The following ETV7 variants were observed in gnomAD, a reference collection of about 807,000 sequenced individuals.
The protein encoded by ETV7 is transcription factor ETV7.
A neutral mutation model predicts 39.1 loss-of-function variants in ETV7; 43 were observed. That is an observed-to-expected ratio of 1.10 (90% CI 0.86 to 1.42). ETV7 has a LOEUF of 1.42. Ranked by LOEUF, ETV7 falls within the 40% of genes most tolerant of loss-of-function variation. The pLI is 0.00. For synonymous variants in ETV7, 196 were observed against 176.6 expected, an observed-to-expected ratio of 1.11 and a Z score of -0.87; for missense variants, 432 against 442.3, an observed-to-expected ratio of 0.98 and a Z score of 0.21.
chr6:36,376,668 C>T (rs1773376873), intron 2 of ETV7, among the ~76,000 whole-genome samples: 1 of 151,336 alleles, frequency 6.6e-6, no homozygotes, highest in South Asian at 2.1e-4. Flanking sequence ...CCCAGCTGCT[C>T]GGGAGGCTGA....
intron 2 of ETV7, among the ~76,000 whole-genome samples, chr6:36,380,057 C>T (rs934449594): frequency 6.6e-6 from 1 of 152,082 alleles, no homozygotes; most frequent in South Asian, 2.1e-4. Context: ...TTTCAGATAA[C>T]CCATTTAAAA....
downstream of ETV7, among the ~76,000 whole-genome samples, chr6:36,363,513 G>A (rs1237019964): frequency 6.6e-6 from 1 of 152,270 alleles, no homozygotes; most frequent in African/African-American, 2.4e-5. Flanking sequence ...GGCTTCAGGA[G>A]TGAAGCTGCA....
intron 4 of ETV7, among the ~76,000 whole-genome samples, chr6:36,372,635 T>G (rs1464573836): frequency 6.3e-4 from 62 of 99,076 alleles, no homozygotes; most frequent in South Asian, 1.9e-3. Flanking sequence ...TGAGTGGGGG[T>G]GGGGGTAGAA....
intron 2 of ETV7, among the ~76,000 whole-genome samples, chr6:36,376,581 T>G (rs34405021): frequency 0.12 from 18,130 of 151,944 alleles, 1,193 homozygotes; most frequent in African/African-American, 0.14. Flanking sequence ...ATTCAAACCA[T>G]CCTGGCCAAC....
chr6:36,369,147 T>G, intron 5 of ETV7, 76 bp from the exon 6 acceptor site: 1 of 1,576,160 alleles, frequency 6.3e-7, no homozygotes, highest in Non-Finnish European at 8.6e-7. Context: ...AAGGCACTCT[T>G]GGAAGCCTCC....
chr6:36,363,928 G>A (rs916542598), downstream of ETV7, among the ~76,000 whole-genome samples: 5 of 151,370 alleles, frequency 3.3e-5, no homozygotes, highest in East Asian at 1.9e-4. Context: ...ACAGAGTGCC[G>A]ATTGGTGTAT....
At chr6:36,366,837 T>C in intron 7 of ETV7, 38 bp downstream of exon 7, 1 of 1,613,216 alleles carries the variant, frequency 6.2e-7, no homozygotes, top group Non-Finnish European at 8.5e-7. Context: ...CAACCCCAGT[T>C]CTGCTTCCCC....
chr6:36,376,583 C>T (rs1302686668), intron 2 of ETV7, among the ~76,000 whole-genome samples: 1 of 152,076 alleles, frequency 6.6e-6, no homozygotes, highest in Non-Finnish European at 1.5e-5. Context: ...TCAAACCATC[C>T]TGGCCAACAC....
At chr6:36,381,042 C>T (rs965215179) in intron 2 of ETV7, among the ~76,000 whole-genome samples, 3 of 152,098 alleles carry the variant, frequency 2.0e-5, no homozygotes, top group African/African-American at 7.2e-5. Context: ...TTTCCCACCA[C>T]TTCCCACCAC....
intron 2 of ETV7, 45 bp from the exon 3 acceptor site, chr6:36,376,080 C>G: frequency 6.5e-7 from 1 of 1,545,916 alleles, no homozygotes; most frequent in African/African-American, 1.3e-5. Flanking sequence ...GTCGGGCCTC[C>G]TCAAAGAAGC....
chr6:36,374,417 C>T (rs1773201805), intron 3 of ETV7, among the ~76,000 whole-genome samples: 1 of 151,774 alleles, frequency 6.6e-6, no homozygotes, highest in African/African-American at 2.4e-5. Flanking sequence ...TTGACTCATA[C>T]CTTGGGCTAA....
At chr6:36,373,327 G>A in intron 4 of ETV7, 126 bp downstream of exon 4, 1 of 1,165,382 alleles carries the variant, frequency 8.6e-7, no homozygotes, top group Non-Finnish European at 1.2e-6. Flanking sequence ...GGAGGTGGGG[G>A]TGGGGCGGGA....
chr6:36,354,809 G>C (rs1561894933), intron 7 of ETV7: 2 of 532,430 alleles, frequency 3.8e-6, no homozygotes, highest in East Asian at 6.2e-5. Flanking sequence ...CATTTATTTA[G>C]ATTTGCTTTA....
intron 7 of ETV7, among the ~76,000 whole-genome samples, chr6:36,358,787 G>GC (rs1181246322): frequency 2.0e-5 from 3 of 152,228 alleles, no homozygotes; most frequent in African/African-American, 7.2e-5. Flanking sequence ...ACTGGCTGGA[G>GC]CATATGATCA....
At chr6:36,364,875 G>A (rs1251917651), downstream of ETV7, among the ~76,000 whole-genome samples, 1 of 152,198 alleles carries the variant, frequency 6.6e-6, no homozygotes, top group Admixed American at 6.5e-5. Flanking sequence ...AAGTGAAAGG[G>A]GCAAAGCATT....
rs963591887 is a variant in ETV7, at chr6:36,366,615, G to A, written c.*30C>T. On this transcript the variant is annotated 3_prime_UTR_variant, in exon 8 of 8. Transcript: ENST00000340181. The stretch of plus-strand genomic sequence containing the variant: ...TGGGAGACTCGGTCCCTGCCCCATC[G>A]GTACCGGGTGCCTGGAGTCCACCTG... The A allele has an allele frequency of 2.1e-5, 34 of 1,613,852 alleles. No homozygotes were observed. Among genetic ancestry groups the A allele is most frequent in the East Asian group, 8.9e-5 (4 of 44,886 alleles).
downstream of ETV7, among the ~76,000 whole-genome samples, chr6:36,364,130 CCA>C (rs1305087471): frequency 6.6e-6 from 1 of 152,256 alleles, no homozygotes; most frequent in Non-Finnish European, 1.5e-5. Context: ...TAAAGGTTTT[CCA>C]CCTCCCCACC....
chr6:36,363,551 T>C (rs1459444748), downstream of ETV7, among the ~76,000 whole-genome samples: 4 of 152,228 alleles, frequency 2.6e-5, no homozygotes, highest in East Asian at 5.8e-4. Flanking sequence ...TTACAGCTAA[T>C]AAAAGCAGCG....
chr6:36,381,143 TC>T (rs973125605), intron 2 of ETV7, among the ~76,000 whole-genome samples: 1 of 152,126 alleles, frequency 6.6e-6, no homozygotes, highest in African/African-American at 2.4e-5. Context: ...AGCTGGCTTC[TC>T]CCTACCTTGC....
Sources: allele counts gnomAD v4.1 joint callset (sites outside exome capture counted in the v4.1 genomes callset), GRCh38; gene constraint gnomAD v4.1.1; transcripts MANE v1.5; gene names NCBI Gene and HGNC (gene_info 2026-07-23, HGNC 2026-07-21).